DPP6: variants seen among roughly 807,000 people sequenced by gnomAD.
DPP6 encodes the protein A-type potassium channel modulatory protein DPP6.
DPP6 carries 69 observed loss-of-function variants against 122.6 expected under a neutral mutation model. That is an observed-to-expected ratio of 0.56 (90% confidence interval 0.46 to 0.69). The LOEUF is 0.69. DPP6 is among the 30% of genes least tolerant of loss of function. DPP6 has a pLI of 0.00. For synonymous variants in DPP6, 418 were observed against 433.1 expected (o/e 0.97, Z 0.43); for missense variants, 928 against 1,116.9 (o/e 0.83, Z 2.41).
intron 7 of DPP6, among the ~76,000 whole-genome samples, chr7:154,723,480 A>C (rs1274744952): frequency 6.6e-6 from 1 of 152,066 alleles, no homozygotes; most frequent in Non-Finnish European, 1.5e-5. Context: ...AAAAAAAAAA[A>C]AGCTAAAACT....
intron 3 of DPP6, among the ~76,000 whole-genome samples, chr7:154,509,233 C>T (rs1825877990): frequency 6.6e-6 from 1 of 152,088 alleles, no homozygotes; most frequent in Non-Finnish European, 1.5e-5. Flanking sequence ...AATAATTTAC[C>T]TGTTGAGGAA....
intron 10 of DPP6, among the ~76,000 whole-genome samples, chr7:154,787,645 T>G (rs973902536): frequency 6.6e-5 from 10 of 152,256 alleles, no homozygotes; most frequent in African/African-American, 2.4e-4. Context: ...TGGTTTGCTA[T>G]TAAAATTAAA....
At chr7:153,825,195 T>C in the DPP6 span, among the ~76,000 whole-genome samples, 57 of 152,304 alleles carry the variant, frequency 3.7e-4, no homozygotes, top group African/African-American at 1.3e-3. Flanking sequence ...ATATATCTCT[T>C]TCCTGTGCTC....
chr7:154,885,988 C>A (rs1320467977), intron 22 of DPP6, among the ~76,000 whole-genome samples: 1 of 152,248 alleles, frequency 6.6e-6, no homozygotes, highest in Non-Finnish European at 1.5e-5. Flanking sequence ...CCAATGAAGA[C>A]CACGAGTTGG....
At chr7:154,273,746 T>C (rs1055263597) in intron 1 of DPP6, among the ~76,000 whole-genome samples, 14 of 152,216 alleles carry the variant, frequency 9.2e-5, no homozygotes. Context: ...TTCCTTAGAA[T>C]GAGTTTCCCT....
chr7:153,804,960 G>GA, the DPP6 span, among the ~76,000 whole-genome samples: 7 of 152,008 alleles, frequency 4.6e-5, no homozygotes, highest in Non-Finnish European at 8.8e-5. Flanking sequence ...ATTGTACTGG[G>GA]AAAAAAATGA....
At chr7:154,406,551 A>G (rs1272837241) in intron 1 of DPP6, among the ~76,000 whole-genome samples, 1 of 152,108 alleles carries the variant, frequency 6.6e-6, no homozygotes, top group African/African-American at 2.4e-5. Flanking sequence ...ACCTGCACAC[A>G]CACGTGGGTT....
chr7:154,845,665 TAAAAA>T (rs911578780), intron 16 of DPP6, among the ~76,000 whole-genome samples: 2 of 152,112 alleles, frequency 1.3e-5, no homozygotes. Context: ...AGTATAATAA[TAAAAA>T]AGAAAGATGT....
intron 1 of DPP6, among the ~76,000 whole-genome samples, chr7:153,977,193 A>G (rs533524344): frequency 3.3e-5 from 3 of 90,396 alleles, no homozygotes; most frequent in Admixed American, 1.1e-4. Flanking sequence ...GTAGGTACCA[A>G]TAGGGGTGTG....
intron 16 of DPP6, among the ~76,000 whole-genome samples, chr7:154,824,354 A>G (rs1164573167): frequency 1.3e-5 from 2 of 152,232 alleles, no homozygotes; most frequent in African/African-American, 4.8e-5. Context: ...ACCTCGGCTC[A>G]CTGCAACCTC....
intron 16 of DPP6, among the ~76,000 whole-genome samples, chr7:154,839,269 G>A (rs926869360): frequency 6.6e-6 from 1 of 152,244 alleles, no homozygotes; most frequent in Admixed American, 6.5e-5. Flanking sequence ...CAGAGCAGCT[G>A]ATTCAAGTAA....
chr7:154,170,208 C>A (rs1203881304), intron 1 of DPP6, among the ~76,000 whole-genome samples: 1 of 152,166 alleles, frequency 6.6e-6, no homozygotes, highest in Non-Finnish European at 1.5e-5. Flanking sequence ...ACCCAGCAGC[C>A]TGCCCAGCTC....
intron 1 of DPP6, among the ~76,000 whole-genome samples, chr7:154,385,554 T>C (rs1358453644): frequency 6.6e-6 from 1 of 152,208 alleles, no homozygotes; most frequent in East Asian, 1.9e-4. Context: ...TGTTGTGTTA[T>C]CCAGAGTGGT....
chr7:154,609,517 C>T (rs922015111), intron 5 of DPP6, among the ~76,000 whole-genome samples: 5 of 152,196 alleles, frequency 3.3e-5, no homozygotes, highest in Admixed American at 1.3e-4. Context: ...CTATCTTATA[C>T]TCTCAAGCAT....
chr7:154,794,219 G>T lies in DPP6; in HGVS notation c.1260+17G>T. On this transcript the variant is annotated intron_variant, in intron 11 of 25. Transcript: ENST00000377770. ...TGCACGAAGGTACGCGGGGCTGTGG[G>T]GGTGGAGGGGAGACGGGTGAAGAAC... The T allele has an allele frequency of 1.3e-6, 2 of 1,593,968 alleles. No individual in the cohort carries two copies. Among genetic ancestry groups the T allele is most frequent in the Non-Finnish European group, 1.7e-6 (2 of 1,167,940 alleles).
chr7:153,994,729 T>G (rs1485740209), intron 1 of DPP6, among the ~76,000 whole-genome samples: 1 of 152,216 alleles, frequency 6.6e-6, no homozygotes, highest in Non-Finnish European at 1.5e-5. Flanking sequence ...GGAAGTAATT[T>G]TTTTTAGTTA....
At chr7:154,463,531 G>T (rs900454909) in intron 2 of DPP6, among the ~76,000 whole-genome samples, 6 of 152,108 alleles carry the variant, frequency 3.9e-5, no homozygotes, top group African/African-American at 1.4e-4. Flanking sequence ...TTAAGCAGAA[G>T]AAGTCTCTCC....
intron 1 of DPP6, among the ~76,000 whole-genome samples, chr7:154,443,160 T>C (rs536181847): frequency 4.5e-4 from 69 of 152,294 alleles, no homozygotes; most frequent in African/African-American, 1.6e-3. Context: ...TGCCACTCCC[T>C]CTGTCTGGAT....
chr7:154,488,916 A>G (rs968224956), intron 3 of DPP6, among the ~76,000 whole-genome samples: 1 of 152,188 alleles, frequency 6.6e-6, no homozygotes, highest in African/African-American at 2.4e-5. Flanking sequence ...ATACTTTGCT[A>G]CCAGCACTGC....
Sources: allele counts gnomAD v4.1 joint callset (sites outside exome capture counted in the v4.1 genomes callset), GRCh38; gene constraint gnomAD v4.1.1; transcripts MANE v1.5; gene names NCBI Gene and HGNC (gene_info 2026-07-23, HGNC 2026-07-21).